JMJD1C: variants seen among roughly 807,000 people sequenced by gnomAD.
JMJD1C encodes jumonji domain containing 1C, also known as jumonji domain-containing protein 1C.
JMJD1C carries 31 observed loss-of-function variants against 245.3 expected under a neutral mutation model. That is an observed-to-expected ratio of 0.13 (90% confidence interval 0.09 to 0.17). JMJD1C has a LOEUF of 0.17. JMJD1C is among the 10% of genes least tolerant of loss of function. The pLI is 1.00. For missense variants in JMJD1C, 2,691 were observed against 3,000.2 expected, an observed-to-expected ratio of 0.90 and a Z score of 2.41; for synonymous variants, 1,057 against 1,017.4, an observed-to-expected ratio of 1.04 and a Z score of -0.74.
chr10:63,170,679 T>C (rs1022926828), intron 24 of JMJD1C, among the ~76,000 whole-genome samples: 13 of 152,246 alleles, frequency 8.5e-5, no homozygotes, highest in Admixed American at 3.3e-4. Context: ...ATGGTTGTTT[T>C]AAAATGACTT....
intron 1 of JMJD1C, among the ~76,000 whole-genome samples, chr10:63,471,602 T>C (rs1178263265): frequency 6.6e-6 from 1 of 152,248 alleles, no homozygotes; most frequent in East Asian, 1.9e-4. Flanking sequence ...ATATGATTAA[T>C]ACTAATATTA....
At chr10:63,453,373 G>T (rs1952192856) in intron 1 of JMJD1C, among the ~76,000 whole-genome samples, 2 of 152,152 alleles carry the variant, frequency 1.3e-5, no homozygotes, top group Non-Finnish European at 2.9e-5. Flanking sequence ...TGAAAATGAA[G>T]AGTAATGAAC....
intron 24 of JMJD1C, among the ~76,000 whole-genome samples, chr10:63,170,923 GTTATAA>G (rs1410907231): frequency 2.0e-5 from 3 of 152,106 alleles, no homozygotes; most frequent in Admixed American, 6.6e-5. Context: ...AAAAGCATCA[GTTATAA>G]TTATAAATAG....
intron 13 of JMJD1C, 58 bp downstream of exon 13, chr10:63,197,353 G>T: frequency 7.2e-7 from 1 of 1,382,366 alleles, no homozygotes; most frequent in Non-Finnish European, 1.0e-6. Flanking sequence ...TGTTCTAGAA[G>T]AGTGATCCTA....
At chr10:63,472,219 TTAA>T (rs201502996) in intron 1 of JMJD1C, among the ~76,000 whole-genome samples, 2,507 of 151,990 alleles carry the variant, frequency 0.016, 44 homozygotes, top group African/African-American at 0.045. Context: ...TAATAATTTC[TTAA>T]TAATTTCAAC....
intron 11 of JMJD1C, among the ~76,000 whole-genome samples, chr10:63,199,246 T>G (rs1253971135): frequency 6.6e-6 from 1 of 152,160 alleles, no homozygotes; most frequent in Non-Finnish European, 1.5e-5. Flanking sequence ...CCCATTAATG[T>G]GCTTACTTGC....
intron 3 of JMJD1C, among the ~76,000 whole-genome samples, chr10:63,243,191 C>T (rs1198654454): frequency 6.7e-6 from 1 of 149,036 alleles, no homozygotes; most frequent in East Asian, 2.0e-4. Flanking sequence ...ACTTATTCTA[C>T]AATTGTTGTG....
intron 2 of JMJD1C, among the ~76,000 whole-genome samples, chr10:63,305,148 C>T (rs1937846484): frequency 6.6e-6 from 1 of 151,864 alleles, no homozygotes; most frequent in Admixed American, 6.6e-5. Flanking sequence ...GCGGGCGGAT[C>T]ACAAGGTCAG....
At chr10:63,494,311 CAA>C (rs1040052739) in intron 1 of JMJD1C, among the ~76,000 whole-genome samples, 2 of 112,262 alleles carry the variant, frequency 1.8e-5, no homozygotes. Flanking sequence ...AACTCCGTCT[CAA>C]AAAAAAAAAA....
chr10:63,185,735 A>C (rs1589085896), intron 19 of JMJD1C, 82 bp from the exon 20 acceptor site: 10 of 806,552 alleles, frequency 1.2e-5, no homozygotes, highest in Non-Finnish European at 1.9e-5. Flanking sequence ...ACGTAAATGA[A>C]TGAATGATTT....
chr10:63,190,274 G>A (rs1373724052), intron 17 of JMJD1C, among the ~76,000 whole-genome samples: 1 of 151,786 alleles, frequency 6.6e-6, no homozygotes. Flanking sequence ...GCGTGATCTC[G>A]GCTCATTGCA....
intron 22 of JMJD1C, among the ~76,000 whole-genome samples, chr10:63,181,150 G>A (rs976226821): frequency 2.0e-5 from 3 of 152,142 alleles, no homozygotes; most frequent in Admixed American, 1.3e-4. Flanking sequence ...ACAGGCATGA[G>A]CCACCGTGCC....
chr10:63,185,277 C>T (rs959899239), intron 20 of JMJD1C, among the ~76,000 whole-genome samples: 7 of 152,178 alleles, frequency 4.6e-5, no homozygotes, highest in Admixed American at 3.3e-4. Flanking sequence ...ACTACAGATG[C>T]CTGCCACCAT....
At chr10:63,291,488 G>T (rs992176075) in intron 2 of JMJD1C, among the ~76,000 whole-genome samples, 1 of 150,908 alleles carries the variant, frequency 6.6e-6, no homozygotes, top group Non-Finnish European at 1.5e-5. Context: ...GGTGGCAGGC[G>T]ACTGTAATCC....
intron 3 of JMJD1C, among the ~76,000 whole-genome samples, chr10:63,243,283 T>C (rs1346669525): frequency 2.0e-5 from 3 of 151,800 alleles, no homozygotes; most frequent in African/African-American, 7.3e-5. Flanking sequence ...TCCTAGCACT[T>C]TGGGAGGCTG....
intron 21 of JMJD1C, 82 bp from the exon 22 acceptor site, chr10:63,183,651 G>C (rs561080043): frequency 2.2e-5 from 17 of 759,894 alleles, no homozygotes; most frequent in African/African-American, 1.8e-4. Context: ...AAATTAGCTC[G>C]ATCTGCATAA....
chr10:63,237,358 T>C lies in JMJD1C; in HGVS notation c.448-17375A>G, dbSNP rs1589244655. ...TCGCCAAACACTCACTAAAAATTTT[T>C]TTTTAATATACAGTGCAATGAATGT... On this transcript the variant is annotated intron_variant, in intron 3 of 25. Coordinates refer to ENST00000399262, the MANE Select transcript of JMJD1C (RefSeq NM_032776.3). Among the ~76,000 whole-genome samples, 4 of 152,370 alleles carry C rather than the reference T, an allele frequency of 2.6e-5. No homozygotes were observed. In the South Asian group the frequency reaches 8.3e-4, roughly 32 times the overall value.
At chr10:63,252,078 T>C (rs905622350) in intron 3 of JMJD1C, among the ~76,000 whole-genome samples, 1 of 152,208 alleles carries the variant, frequency 6.6e-6, no homozygotes, top group African/African-American at 2.4e-5. Flanking sequence ...CCAATGGCTC[T>C]AAATAAAGGC....
Position 63,465,618 on chromosome 10 carries a change from C to T in JMJD1C, c.45G>A (p.Leu15=), listed in dbSNP as rs756992665. 2 of 1,610,146 alleles carry T rather than the reference C, an allele frequency of 1.2e-6. No individual in the cohort carries two copies. The highest frequency in any genetic ancestry group is 1.7e-5 in the Admixed American group (1 of 60,002). Residue 15 remains leucine (L), a synonymous_variant, in exon 1 of 26, where the codon CTG becomes CTA. Transcript: ENST00000399262. ...GTGCCTCGTCGCCGACCGCCACACACAGGAACCGCTTACCCACCAGCTCTG... is the reference window on the plus strand; with the variant it reads ...GTGCCTCGTCGCCGACCGCCACACATAGGAACCGCTTACCCACCAGCTCTG... ...TRAELVGKRF[L]CVAVGDEARS... is the part of the protein sequence containing the mutation.
Sources: allele counts gnomAD v4.1 joint callset (sites outside exome capture counted in the v4.1 genomes callset), GRCh38; gene constraint gnomAD v4.1.1; transcripts MANE v1.5; gene names NCBI Gene and HGNC (gene_info 2026-07-23, HGNC 2026-07-21).